The following CTNNA2 variants were observed in gnomAD, a reference collection of about 807,000 sequenced individuals.
The protein encoded by CTNNA2 is catenin alpha 2.
CTNNA2 carries 42 observed loss-of-function variants against 101.0 expected under a neutral mutation model. The observed-to-expected ratio is 0.42, with a 90% CI of 0.32 to 0.54. The LOEUF is 0.54. CTNNA2 is among the 20% of genes least tolerant of loss of function. CTNNA2 has a pLI of 0.14. For missense variants in CTNNA2, 871 were observed against 1,223.1 expected, an observed-to-expected ratio of 0.71 and a Z score of 4.29; for synonymous variants, 450 against 456.4, an observed-to-expected ratio of 0.99 and a Z score of 0.18.
At chr2:79,443,001 A>T (rs1678792748) in intron 4 of CTNNA2, among the ~76,000 whole-genome samples, 1 of 152,136 alleles carries the variant, frequency 6.6e-6, no homozygotes, top group African/African-American at 2.4e-5. Flanking sequence ...GTGAGGCTTT[A>T]ACAATTTCTG....
chr2:79,282,732 C>G lies in CTNNA2; in HGVS notation c.-405-29977C>G, dbSNP rs1675430292. ...GCAATAAACATACGTGTGCATGTGT[C>G]TTTATAGCAGCATGATTTATAGTCC... On this transcript the variant is annotated intron_variant, in intron 2 of 21. Coordinates refer to the CTNNA2 transcript ENST00000466387. Among the ~76,000 whole-genome samples the G allele has an allele frequency of 2.9e-5, 4 of 140,004 alleles. No individual in the cohort carries two copies. The Admixed American group carries it at 3.0e-4, about 10-fold the overall frequency. The allele number at this position is 140,004 out of a possible 152,430, so 91.8% of individuals were successfully genotyped here. A position where few individuals can be genotyped will look rare whatever the true frequency, so the allele number is the denominator to read the frequency against.
chr2:79,832,499 T>C (rs902716752), intron 3 of CTNNA2, among the ~76,000 whole-genome samples: 12 of 152,250 alleles, frequency 7.9e-5, no homozygotes, highest in Non-Finnish European at 2.9e-5. Context: ...TTTACATTGA[T>C]ATGGCCTGTT....
chr2:79,900,545 T>C (rs1355773775), intron 6 of CTNNA2, among the ~76,000 whole-genome samples: 3 of 152,202 alleles, frequency 2.0e-5, no homozygotes, highest in East Asian at 3.8e-4. Flanking sequence ...TCAGTCACTG[T>C]CATATTTCAC....
intron 3 of CTNNA2, among the ~76,000 whole-genome samples, chr2:79,339,441 C>T (rs1352385035): frequency 2.0e-5 from 3 of 152,044 alleles, no homozygotes; most frequent in East Asian, 3.9e-4. Context: ...GGAAGGCAAG[C>T]GACACTACCA....
intron 7 of CTNNA2, among the ~76,000 whole-genome samples, chr2:80,024,963 G>A (rs528553447): frequency 1.8e-4 from 27 of 152,284 alleles, no homozygotes; most frequent in Non-Finnish European, 1.8e-4. Flanking sequence ...GTCTCAGAGG[G>A]AAGGGGAGCT....
chr2:80,488,396 A>G (rs544767424), intron 9 of CTNNA2, among the ~76,000 whole-genome samples: 1 of 152,234 alleles, frequency 6.6e-6, no homozygotes, highest in African/African-American at 2.4e-5. Flanking sequence ...AAAATTCCCT[A>G]AGTCCCTCAA....
chr2:79,824,353 T>C (rs372150778), intron 3 of CTNNA2, among the ~76,000 whole-genome samples: 3 of 152,162 alleles, frequency 2.0e-5, no homozygotes, highest in East Asian at 3.9e-4. Flanking sequence ...CTTTTAGTAG[T>C]TGTACAAGCC....
At chr2:79,198,054 G>A (rs1673986279) in exon 2 of CTNNA2, 1 of 152,226 alleles carries the variant, frequency 6.6e-6, no homozygotes, top group South Asian at 2.1e-4. Flanking sequence ...TTACAGGTGT[G>A]AGCCACTGCG....
At position 79,254,599 on chromosome 2, in the gene CTNNA2, C is replaced by T. The variant is rs181391439; in HGVS notation, c.-406+56523C>T. Among the ~76,000 whole-genome samples, 14 of 152,204 alleles carry T rather than the reference C, an allele frequency of 9.2e-5. No homozygotes were observed. The East Asian group carries it at 2.1e-3, about 23-fold the overall frequency. Reference sequence around the variant, plus strand: ...CTATATAGCCTGCAGAACTGTGAGTCGATTAAACCTCTTTTCTTTATAAAT... The same window carrying T: ...CTATATAGCCTGCAGAACTGTGAGTTGATTAAACCTCTTTTCTTTATAAAT... On this transcript the variant is annotated intron_variant, in intron 2 of 21. Transcript: ENST00000466387.
intron 4 of CTNNA2, among the ~76,000 whole-genome samples, chr2:79,384,592 T>C (rs1293723481): frequency 6.6e-6 from 1 of 152,154 alleles, no homozygotes; most frequent in African/African-American, 2.4e-5. Context: ...AGGAGGTACT[T>C]AGGATGTTAG....
At chr2:79,863,147 C>CA (rs147606765) in intron 4 of CTNNA2, among the ~76,000 whole-genome samples, 3 of 145,714 alleles carry the variant, frequency 2.1e-5, no homozygotes, top group Non-Finnish European at 4.5e-5. Context: ...AACAAACAAA[C>CA]AACAAAAAAA....
At chr2:79,711,566 T>A (rs1685741080) in intron 2 of CTNNA2, among the ~76,000 whole-genome samples, 1 of 152,174 alleles carries the variant, frequency 6.6e-6, no homozygotes, top group Non-Finnish European at 1.5e-5. Context: ...TATGTCATAT[T>A]TTTTTCTCAT....
At chr2:79,501,367 C>A (rs913795634) in intron 4 of CTNNA2, among the ~76,000 whole-genome samples, 6 of 152,162 alleles carry the variant, frequency 3.9e-5, no homozygotes, top group African/African-American at 1.4e-4. Context: ...TGGTCTTAAA[C>A]TTCTGGCCCA....
chr2:80,163,856 T>A (rs1232413195), intron 7 of CTNNA2, among the ~76,000 whole-genome samples: 2 of 152,046 alleles, frequency 1.3e-5, no homozygotes, highest in Non-Finnish European at 2.9e-5. Context: ...TAATATCACC[T>A]GTCTCTCTTT....
At chr2:80,332,917 A>G (rs565199830) in intron 7 of CTNNA2, among the ~76,000 whole-genome samples, 3 of 152,332 alleles carry the variant, frequency 2.0e-5, no homozygotes, top group African/African-American at 7.2e-5. Context: ...TTATGTTTTT[A>G]AATGGCTGGA....
chr2:80,308,177 T>G (rs2149221234), intron 7 of CTNNA2, among the ~76,000 whole-genome samples: 1 of 152,314 alleles, frequency 6.6e-6, no homozygotes, highest in Admixed American at 6.5e-5. Flanking sequence ...GGTATGTCAT[T>G]ACTTCTGTTT....
At chr2:79,414,189 T>C (rs1389853642) in intron 4 of CTNNA2, among the ~76,000 whole-genome samples, 1 of 151,940 alleles carries the variant, frequency 6.6e-6, no homozygotes, top group Non-Finnish European at 1.5e-5. Flanking sequence ...TCCCTCCATT[T>C]TGTTTATAAT....
intron 6 of CTNNA2, among the ~76,000 whole-genome samples, chr2:79,883,152 T>C (rs894224949): frequency 1.3e-5 from 2 of 152,184 alleles, no homozygotes; most frequent in Non-Finnish European, 2.9e-5. Flanking sequence ...CCTCCCAAAA[T>C]TGAATTTGAA....
At chr2:79,202,643 T>C (rs1026087111) in intron 2 of CTNNA2, among the ~76,000 whole-genome samples, 1 of 152,236 alleles carries the variant, frequency 6.6e-6, no homozygotes, top group African/African-American at 2.4e-5. Context: ...TATGAGAGAA[T>C]AGCTCAATAT....
Sources: allele counts gnomAD v4.1 joint callset (sites outside exome capture counted in the v4.1 genomes callset), GRCh38; gene constraint gnomAD v4.1.1; transcripts MANE v1.5; gene names NCBI Gene and HGNC (gene_info 2026-07-23, HGNC 2026-07-21).